The following KDM4C variants were observed in gnomAD, a reference collection of about 807,000 sequenced individuals.
The protein encoded by KDM4C is lysine-specific demethylase 4C.
In KDM4C, 81 loss-of-function variants were observed where a neutral mutation model predicts 129.3. The ratio of observed to expected loss-of-function variants is 0.63; its 90% CI spans 0.52 to 0.75. KDM4C has a LOEUF of 0.75. Among genes scored for constraint, KDM4C ranks in the 30% least tolerant of loss-of-function variants. The pLI, the probability that KDM4C is intolerant of heterozygous loss-of-function variation, is 0.00. For synonymous variants in KDM4C, 573 were observed against 456.1 expected (o/e 1.26, Z -3.26); for missense variants, 1,457 against 1,304.0 (o/e 1.12, Z -1.81).
chr9:6,941,959 T>C (rs1036523540), intron 8 of KDM4C: 1 of 152,186 alleles, frequency 6.6e-6, no homozygotes, highest in Admixed American at 6.5e-5. Context: ...TGTTTGAGTA[T>C]CACAAGATTT....
intron 17 of KDM4C, among the ~76,000 whole-genome samples, chr9:7,088,295 G>A (rs1218257005): frequency 6.6e-6 from 1 of 152,198 alleles, no homozygotes. Flanking sequence ...ATGCTGTTTT[G>A]TTCATTCACA....
At chr9:6,766,220 A>G (rs1393341018) in intron 1 of KDM4C, among the ~76,000 whole-genome samples, 1 of 152,220 alleles carries the variant, frequency 6.6e-6, no homozygotes, top group Non-Finnish European at 1.5e-5. Flanking sequence ...TGCTATAGTT[A>G]CAACTGAGCA....
chr9:7,032,164 T>C (rs146002625), intron 15 of KDM4C, among the ~76,000 whole-genome samples: 4 of 152,330 alleles, frequency 2.6e-5, no homozygotes, highest in Non-Finnish European at 4.4e-5. Context: ...CTCCCAACAC[T>C]GTTTGAAGCT....
At chr9:6,741,310 G>C (rs1455142099) in intron 1 of KDM4C, among the ~76,000 whole-genome samples, 2 of 151,948 alleles carry the variant, frequency 1.3e-5, no homozygotes, top group African/African-American at 2.4e-5. Context: ...CAGCAGAATC[G>C]CTTGAACTAG....
rs1223263076 is a variant in KDM4C, at chr9:6,861,715, ATCATGCATAAAGTTTCTTGAAC to A, written c.629+12030_629+12051del. The stretch of plus-strand genomic sequence containing the variant: ...CATAGAGGATTTACTTATTTGAGGA[ATCATGCATAAAGTTTCTTGAAC>A]TCATGCATAAAGTTACTTTACAATA... On this transcript the variant is annotated intron_variant, in intron 5 of 21. Transcript: ENST00000381309. Among the ~76,000 whole-genome samples the A allele has an allele frequency of 1.1e-4, 16 of 152,188 alleles. No homozygotes were observed. The South Asian group carries it at 3.1e-3, about 30-fold the overall frequency.
At chr9:7,002,875 G>C (rs2132048758) in intron 12 of KDM4C, among the ~76,000 whole-genome samples, 1 of 152,324 alleles carries the variant, frequency 6.6e-6, no homozygotes, top group Non-Finnish European at 1.5e-5. Context: ...ACACTCTTGT[G>C]TTTTAGATAG....
intron 1 of KDM4C, among the ~76,000 whole-genome samples, chr9:6,761,043 C>T (rs116312867): frequency 0.013 from 1,771 of 136,392 alleles, 43 homozygotes; most frequent in African/African-American, 0.047. Flanking sequence ...GCTCTGTTGT[C>T]CATGGAGTCT....
chr9:7,071,960 A>G (rs925933986), intron 17 of KDM4C, among the ~76,000 whole-genome samples: 3 of 152,178 alleles, frequency 2.0e-5, no homozygotes, highest in African/African-American at 7.2e-5. Context: ...AACTCTTGAC[A>G]CTCAACAATA....
At chr9:6,959,838 C>G (rs1474881801) in intron 8 of KDM4C, among the ~76,000 whole-genome samples, 3 of 152,024 alleles carry the variant, frequency 2.0e-5, no homozygotes, top group Non-Finnish European at 4.4e-5. Flanking sequence ...TAATTTATCA[C>G]CAGGCATGTT....
chr9:6,773,605 G>A (rs950901096), intron 1 of KDM4C, among the ~76,000 whole-genome samples: 2 of 151,794 alleles, frequency 1.3e-5, no homozygotes, highest in African/African-American at 2.4e-5. Flanking sequence ...ATCTTGTTTC[G>A]ACTAAAAATA....
intron 1 of KDM4C, among the ~76,000 whole-genome samples, chr9:6,779,202 G>T (rs1031364575): frequency 3.3e-5 from 5 of 150,918 alleles, no homozygotes; most frequent in Non-Finnish European, 5.9e-5. Context: ...CAAATTCTTT[G>T]TATTTTTAGT....
intron 4 of KDM4C, among the ~76,000 whole-genome samples, chr9:6,843,476 TCTG>T (rs1374278617): frequency 1.3e-5 from 2 of 152,260 alleles, no homozygotes; most frequent in Non-Finnish European, 2.9e-5. Context: ...TTTCTCCACT[TCTG>T]CTAGGAATAA....
At position 7,166,728 on chromosome 9, in the gene KDM4C, G is replaced by T. The variant is rs574573651; in HGVS notation, c.2901+1371G>T. Among the ~76,000 whole-genome samples, 8 of 152,270 alleles carry T rather than the reference G, an allele frequency of 5.3e-5. No individual in the cohort carries two copies. The East Asian group carries it at 1.5e-3, about 29-fold the overall frequency. Reference sequence around the variant, plus strand: ...CTTCTTACATGTAGCAAAGCCATTTGCTACATGAAAAGAATCACATAATGA... The same window carrying T: ...CTTCTTACATGTAGCAAAGCCATTTTCTACATGAAAAGAATCACATAATGA... On this transcript the variant is annotated intron_variant, in intron 20 of 21. Coordinates refer to ENST00000381309, the MANE Select transcript of KDM4C (RefSeq NM_015061.6).
At chr9:6,848,301 A>C (rs555036695) in intron 4 of KDM4C, among the ~76,000 whole-genome samples, 2 of 152,188 alleles carry the variant, frequency 1.3e-5, no homozygotes, top group Non-Finnish European at 2.9e-5. Flanking sequence ...TGATATTTAG[A>C]ATTTGATAAA....
intron 1 of KDM4C, among the ~76,000 whole-genome samples, chr9:6,737,312 A>G (rs185865402): frequency 5.3e-5 from 8 of 152,222 alleles, no homozygotes; most frequent in Non-Finnish European, 8.8e-5. Flanking sequence ...TCGAGAATCC[A>G]TAAGGAACTT....
At chr9:7,152,833 A>G (rs1000760841) in intron 19 of KDM4C, among the ~76,000 whole-genome samples, 2 of 152,226 alleles carry the variant, frequency 1.3e-5, no homozygotes, top group African/African-American at 4.8e-5. Context: ...GCTGTATTCT[A>G]ACATGAAAGA....
intron 1 of KDM4C, among the ~76,000 whole-genome samples, chr9:6,777,988 A>T (rs1478370175): frequency 2.0e-5 from 3 of 149,126 alleles, no homozygotes; most frequent in African/African-American, 7.5e-5. Context: ...TGGCAAAATC[A>T]TAGCTCACTG....
At chr9:7,063,500 G>A (rs1832002265) in intron 17 of KDM4C, among the ~76,000 whole-genome samples, 1 of 152,078 alleles carries the variant, frequency 6.6e-6, no homozygotes, top group Non-Finnish European at 1.5e-5. Context: ...AATTCCTGGT[G>A]GTCTCTCACT....
chr9:7,174,344 G>C (rs1845248847), intron 21 of KDM4C, among the ~76,000 whole-genome samples: 1 of 152,214 alleles, frequency 6.6e-6, no homozygotes, highest in South Asian at 2.1e-4. Flanking sequence ...AGGGTGGGGA[G>C]ATCCTGGAGA....
Sources: allele counts gnomAD v4.1 joint callset (sites outside exome capture counted in the v4.1 genomes callset), GRCh38; gene constraint gnomAD v4.1.1; transcripts MANE v1.5; gene names NCBI Gene and HGNC (gene_info 2026-07-23, HGNC 2026-07-21).